The following SGCZ variants were observed in gnomAD, a reference collection of about 807,000 sequenced individuals.
The protein encoded by SGCZ is zeta-sarcoglycan.
Under a neutral mutation model 41.3 loss-of-function variants are expected in SGCZ, and 40 were observed. The observed-to-expected ratio is 0.97, with a 90% confidence interval of 0.75 to 1.26. SGCZ has a LOEUF of 1.26. Among genes scored for constraint, SGCZ ranks in the 50% most tolerant of loss-of-function variants. The pLI, the probability that SGCZ is intolerant of heterozygous loss-of-function variation, is 0.00. For synonymous variants in SGCZ, 206 were observed against 137.5 expected, an observed-to-expected ratio of 1.50 and a Z score of -3.49; for missense variants, 552 against 369.8, an observed-to-expected ratio of 1.49 and a Z score of -4.04.
At chr8:15,000,919 G>A (rs914751867) in intron 1 of SGCZ, among the ~76,000 whole-genome samples, 3 of 152,176 alleles carry the variant, frequency 2.0e-5, no homozygotes, top group African/African-American at 7.2e-5. Context: ...ATGTGTCTGT[G>A]TCCTTAATTC....
intron 2 of SGCZ, among the ~76,000 whole-genome samples, chr8:14,430,109 G>A (rs146420570): frequency 1.6e-3 from 247 of 152,086 alleles, no homozygotes; most frequent in African/African-American, 5.6e-3. Flanking sequence ...GCAGAATTCT[G>A]CAAGACATTC....
chr8:14,957,714 A>G (rs766501448), intron 1 of SGCZ, among the ~76,000 whole-genome samples: 18 of 152,006 alleles, frequency 1.2e-4, no homozygotes, highest in Non-Finnish European at 2.4e-4. Context: ...CAAATTTTAT[A>G]TATTGCAAAT....
intron 2 of SGCZ, among the ~76,000 whole-genome samples, chr8:14,435,151 C>T (rs1392633342): frequency 1.3e-5 from 2 of 152,202 alleles, no homozygotes; most frequent in South Asian, 2.1e-4. Flanking sequence ...TCAGGGCAAA[C>T]GCTGCAGCTG....
intron 1 of SGCZ, among the ~76,000 whole-genome samples, chr8:14,606,074 AAC>A (rs1805738932): frequency 6.6e-6 from 1 of 152,088 alleles, no homozygotes. Context: ...TTTAAAATAT[AAC>A]ACTAATATAT....
At chr8:14,567,801 C>A (rs1025092605) in intron 1 of SGCZ, among the ~76,000 whole-genome samples, 17 of 152,066 alleles carry the variant, frequency 1.1e-4, no homozygotes, top group African/African-American at 4.1e-4. Context: ...ATGAACACCT[C>A]CAGACGCACC....
chr8:14,125,242 G>A (rs10888082), intron 5 of SGCZ, among the ~76,000 whole-genome samples: 33,229 of 152,020 alleles, frequency 0.22, 3,825 homozygotes, highest in Middle Eastern at 0.29. Flanking sequence ...AGCACTTTGG[G>A]AGGCCAAGGT....
intron 4 of SGCZ, among the ~76,000 whole-genome samples, chr8:14,190,712 C>T (rs1196203413): frequency 6.6e-6 from 1 of 152,028 alleles, no homozygotes; most frequent in African/African-American, 2.4e-5. Flanking sequence ...ACACCATTCT[C>T]CTGCCTCAGC....
rs536372425 is a variant in SGCZ at position 14,352,619 on chromosome 8, T to C, written c.235-28415A>G. On this transcript the variant is annotated intron_variant, in intron 2 of 7. Transcript: ENST00000382080. Reference sequence around the variant, plus strand: ...AAGAGAAGTAGACCTACGTGTCCTCTGGCTTGGGTAACAAGCCCGTAGAGC... The same window carrying C: ...AAGAGAAGTAGACCTACGTGTCCTCCGGCTTGGGTAACAAGCCCGTAGAGC... Among the ~76,000 whole-genome samples, 5 of 152,228 alleles carry C rather than the reference T, an allele frequency of 3.3e-5. No individual in the cohort carries two copies. The South Asian group carries it at 1.0e-3, about 32-fold the overall frequency.
intron 1 of SGCZ, among the ~76,000 whole-genome samples, chr8:15,017,440 G>C (rs1392365664): frequency 6.6e-6 from 1 of 152,120 alleles, no homozygotes; most frequent in Non-Finnish European, 1.5e-5. Flanking sequence ...ATTTTTAAAA[G>C]ACCTATTTTT....
rs77164069 is a variant in SGCZ at position 15,189,190 on chromosome 8, G to A, written c.39+48395C>T. Among the ~76,000 whole-genome samples the A allele has an allele frequency of 4.9e-3, 748 of 152,282 alleles. 23 individuals are homozygous for A. In the East Asian group the frequency reaches 0.082, roughly 17 times the overall value. The stretch of plus-strand genomic sequence containing the variant: ...GCAGTAATAATTTTATATGATGGAT[G>A]TTCCAGGTCACATTTTAAGAGTAAA... On this transcript the variant is annotated intron_variant, in intron 1 of 7. Coordinates refer to ENST00000382080, the MANE Select transcript of SGCZ (RefSeq NM_139167.4).
At chr8:14,545,348 T>C in intron 2 of SGCZ, among the ~76,000 whole-genome samples, 1 of 151,940 alleles carries the variant, frequency 6.6e-6, no homozygotes, top group East Asian at 1.9e-4. Context: ...TAAGATAATA[T>C]TATCTTTGCT....
intron 1 of SGCZ, among the ~76,000 whole-genome samples, chr8:14,672,479 T>C (rs1336138696): frequency 6.6e-6 from 1 of 152,180 alleles, no homozygotes; most frequent in African/African-American, 2.4e-5. Flanking sequence ...AGCCCTGAAG[T>C]GCTATTATTA....
At chr8:14,600,309 G>A (rs1438565570) in intron 1 of SGCZ, among the ~76,000 whole-genome samples, 3 of 151,970 alleles carry the variant, frequency 2.0e-5, no homozygotes, top group Admixed American at 1.3e-4. Context: ...TTCCTTTAAC[G>A]GCATCTATAT....
intron 2 of SGCZ, among the ~76,000 whole-genome samples, chr8:14,540,220 ATTTTTTTTTTTTTT>A (rs11428713): frequency 8.2e-5 from 4 of 48,718 alleles, no homozygotes; most frequent in Non-Finnish European, 1.5e-4. Flanking sequence ...TCTCTGCTTA[ATTTTTTTTTTTTTT>A]TTTTTTTTTT....
intron 1 of SGCZ, among the ~76,000 whole-genome samples, chr8:14,907,717 G>A (rs1198143597): frequency 6.6e-6 from 1 of 151,946 alleles, no homozygotes; most frequent in Non-Finnish European, 1.5e-5. Context: ...CGTCCATTAG[G>A]GTTGTCTTCC....
chr8:14,246,312 T>G lies in SGCZ; in HGVS notation c.337-8633A>C, dbSNP rs1159458593. Among the ~76,000 whole-genome samples, 5 of 152,150 alleles carry G rather than the reference T, an allele frequency of 3.3e-5. No individual in the cohort carries two copies. In the East Asian group the frequency reaches 9.7e-4, roughly 30 times the overall value. ...TCCTTTGTAGGGACACGGATGAAAC[T>G]GGAAATCATCATTCTCAGTAAACTA... is the stretch of plus-strand genomic sequence containing the variant. On this transcript the variant is annotated intron_variant, in intron 3 of 7. Coordinates refer to ENST00000382080, the MANE Select transcript of SGCZ (RefSeq NM_139167.4).
chr8:15,121,898 A>T (rs2116952405), intron 1 of SGCZ, among the ~76,000 whole-genome samples: 1 of 89,686 alleles, frequency 1.1e-5, no homozygotes, highest in African/African-American at 3.2e-5. Flanking sequence ...TTCGGCAGTT[A>T]CCAAAAAAAA....
chr8:14,629,276 C>G (rs1182568181), intron 1 of SGCZ, among the ~76,000 whole-genome samples: 1 of 151,374 alleles, frequency 6.6e-6, no homozygotes, highest in Non-Finnish European at 1.5e-5. Flanking sequence ...CAATAAATCA[C>G]TTAGCTTAAT....
chr8:15,225,507 C>T (rs1450972526), intron 1 of SGCZ, among the ~76,000 whole-genome samples: 1 of 152,072 alleles, frequency 6.6e-6, no homozygotes, highest in African/African-American at 2.4e-5. Flanking sequence ...TCTGTATGTG[C>T]ACGCACATGC....
Sources: allele counts gnomAD v4.1 joint callset (sites outside exome capture counted in the v4.1 genomes callset), GRCh38; gene constraint gnomAD v4.1.1; transcripts MANE v1.5; gene names NCBI Gene and HGNC (gene_info 2026-07-23, HGNC 2026-07-21).